Variants in CDH18 observed in about 807,000 individuals in gnomAD.
The protein encoded by CDH18 is cadherin 18, also known as cadherin-18.
In CDH18, 31 loss-of-function variants were observed where a neutral mutation model predicts 67.9. The observed-to-expected ratio is 0.46, with a 90% confidence interval of 0.34 to 0.62. The LOEUF is 0.62. CDH18 is among the 20% of genes least tolerant of loss of function. CDH18 has a pLI of 0.01. For missense variants in CDH18, 890 were observed against 975.5 expected (o/e 0.91, Z 1.17); for synonymous variants, 362 against 347.2 (o/e 1.04, Z -0.48).
At chr5:20,521,607 G>C (rs1755747042) in intron 1 of CDH18, among the ~76,000 whole-genome samples, 1 of 152,050 alleles carries the variant, frequency 6.6e-6, no homozygotes. Flanking sequence ...CAGATACATG[G>C]GGCAGTAGTT....
intron 1 of CDH18, among the ~76,000 whole-genome samples, chr5:20,271,433 C>T (rs1400670597): frequency 2.0e-5 from 3 of 152,006 alleles, no homozygotes; most frequent in African/African-American, 7.2e-5. Context: ...TTTTTAATGT[C>T]TTTACTACAA....
At chr5:19,951,641 C>T (rs1795802806) in intron 2 of CDH18, among the ~76,000 whole-genome samples, 1 of 151,994 alleles carries the variant, frequency 6.6e-6, no homozygotes, top group Admixed American at 6.6e-5. Context: ...GGGATTAATA[C>T]ATATGTCTTT....
intron 2 of CDH18, among the ~76,000 whole-genome samples, chr5:20,200,899 C>T: frequency 6.6e-6 from 1 of 151,954 alleles, no homozygotes; most frequent in Non-Finnish European, 1.5e-5. Flanking sequence ...GTTACAAGGG[C>T]CTTATTCAAC....
At chr5:19,576,317 T>C (rs952600272) in intron 7 of CDH18, among the ~76,000 whole-genome samples, 1 of 152,006 alleles carries the variant, frequency 6.6e-6, no homozygotes, top group Middle Eastern at 3.2e-3. Flanking sequence ...TAATACATGA[T>C]TTGAAGAAAA....
chr5:20,436,573 G>T (rs1749179652), intron 1 of CDH18, among the ~76,000 whole-genome samples: 1 of 151,356 alleles, frequency 6.6e-6, no homozygotes, highest in South Asian at 2.1e-4. Context: ...AGAGGTAAAA[G>T]AATCTGATAT....
intron 1 of CDH18, among the ~76,000 whole-genome samples, chr5:20,270,022 C>A (rs1745323181): frequency 6.6e-6 from 1 of 151,972 alleles, no homozygotes; most frequent in Non-Finnish European, 1.5e-5. Context: ...TCATGAGGAA[C>A]CACTCTCACA....
intron 1 of CDH18, among the ~76,000 whole-genome samples, chr5:20,542,217 C>G (rs186647502): frequency 6.6e-6 from 1 of 151,960 alleles, no homozygotes; most frequent in Admixed American, 6.6e-5. Flanking sequence ...TTAGCAAATG[C>G]TAAGTAAATA....
At chr5:20,215,461 TAAATAAATAAAC>T (rs760328268) in intron 2 of CDH18, among the ~76,000 whole-genome samples, 3,160 of 123,096 alleles carry the variant, frequency 0.026, 81 homozygotes, top group African/African-American at 0.084. Flanking sequence ...AATAAATAAA[TAAATAAATAAAC>T]AAACCAGATG....
chr5:20,351,515 A>G (rs1312805214), intron 1 of CDH18, among the ~76,000 whole-genome samples: 1 of 151,922 alleles, frequency 6.6e-6, no homozygotes, highest in Non-Finnish European at 1.5e-5. Flanking sequence ...ATTTCTTTAT[A>G]TCTTTTTATT....
At chr5:20,297,140 T>C (rs981662561) in intron 1 of CDH18, among the ~76,000 whole-genome samples, 21 of 152,170 alleles carry the variant, frequency 1.4e-4, no homozygotes, top group African/African-American at 4.8e-4. Context: ...AAAAATGGAA[T>C]TATAATATTT....
intron 1 of CDH18, among the ~76,000 whole-genome samples, chr5:20,372,722 C>A (rs567900548): frequency 2.0e-5 from 3 of 152,082 alleles, no homozygotes; most frequent in Admixed American, 2.0e-4. Flanking sequence ...TGATCTCCAC[C>A]TATTTTACAA....
intron 2 of CDH18, among the ~76,000 whole-genome samples, chr5:20,062,509 A>G (rs777580091): frequency 1.3e-5 from 2 of 152,148 alleles, no homozygotes; most frequent in Non-Finnish European, 2.9e-5. Context: ...AAGCAATAGT[A>G]CAGTATTCAC....
intron 2 of CDH18, among the ~76,000 whole-genome samples, chr5:19,862,688 G>T (rs918345881): frequency 6.6e-6 from 1 of 152,194 alleles, no homozygotes; most frequent in Non-Finnish European, 1.5e-5. Context: ...TCACTTAATA[G>T]AGGTGACTTT....
intron 11 of CDH18, among the ~76,000 whole-genome samples, chr5:19,502,517 T>G (rs566640295): frequency 6.6e-6 from 1 of 152,278 alleles, no homozygotes; most frequent in East Asian, 1.9e-4. Flanking sequence ...CTGTGTATCC[T>G]TCTACCCATA....
chr5:19,492,087 T>C (rs1208519007), intron 11 of CDH18, among the ~76,000 whole-genome samples: 1 of 152,128 alleles, frequency 6.6e-6, no homozygotes, highest in East Asian at 1.9e-4. Context: ...ATAAGCATTT[T>C]CAAATGTAAA....
intron 4 of CDH18, among the ~76,000 whole-genome samples, chr5:19,741,353 CACACACACAT>C (rs1459592420): frequency 6.6e-6 from 1 of 150,770 alleles, no homozygotes; most frequent in Non-Finnish European, 1.5e-5. Flanking sequence ...CACACACACA[CACACACACAT>C]ATATGACAGC....
intron 8 of CDH18, among the ~76,000 whole-genome samples, chr5:19,545,941 G>T (rs1336767679): frequency 6.6e-6 from 1 of 152,136 alleles, no homozygotes; most frequent in African/African-American, 2.4e-5. Flanking sequence ...ATAAAAGATT[G>T]AGCACTGAAG....
intron 1 of CDH18, among the ~76,000 whole-genome samples, chr5:20,310,056 CA>C (rs1179552880): frequency 6.6e-6 from 1 of 151,776 alleles, no homozygotes; most frequent in Non-Finnish European, 1.5e-5. Flanking sequence ...GTTCTGAAGC[CA>C]AAAAAACCTA....
intron 2 of CDH18, among the ~76,000 whole-genome samples, chr5:20,040,008 A>T (rs1740267096): frequency 6.6e-6 from 1 of 152,156 alleles, no homozygotes; most frequent in Admixed American, 6.5e-5. Flanking sequence ...CAAGGTAGAA[A>T]AACAAACAAA....
Sources: gnomAD v4.1 joint callset for allele counts (sites outside exome capture counted in the v4.1 genomes callset) on GRCh38, gnomAD v4.1.1 for gene constraint, MANE v1.5 for transcripts, NCBI Gene and HGNC (gene_info 2026-07-23, HGNC 2026-07-21) for gene names.